The following TBL1X variants were observed in gnomAD, a reference collection of about 807,000 sequenced individuals.
TBL1X encodes the protein transducin beta like 1 X-linked.
Under a neutral mutation model 50.7 loss-of-function variants are expected in TBL1X, and 10 were observed. That is an observed-to-expected ratio of 0.20 (90% CI 0.12 to 0.33). The LOEUF is 0.33. Ranked by LOEUF, TBL1X falls within the 10% of genes least tolerant of loss-of-function variation. The pLI is 1.00. For missense variants in TBL1X, 340 were observed against 504.4 expected, an observed-to-expected ratio of 0.67 and a Z score of 3.12; for synonymous variants, 190 against 214.7, an observed-to-expected ratio of 0.88 and a Z score of 1.01.
chrX:9,669,985 A>C (rs1311858979), intron 5 of TBL1X, among the ~76,000 whole-genome samples: 1 of 111,889 alleles, frequency 8.9e-6, no homozygotes, highest in Non-Finnish European at 1.9e-5. Flanking sequence ...CCTGGGGGAA[A>C]AATTTAGTTT....
intron 2 of TBL1X, among the ~76,000 whole-genome samples, chrX:9,552,659 T>C (rs1355908302): frequency 2.7e-5 from 3 of 112,380 alleles, no homozygotes; most frequent in Admixed American, 1.9e-4. Context: ...TTACAACTCC[T>C]GTTTCTGCTG....
At chrX:9,537,376 C>T in intron 2 of TBL1X, among the ~76,000 whole-genome samples, 1 of 109,526 alleles carries the variant, frequency 9.1e-6, no homozygotes, top group Non-Finnish European at 1.9e-5. Context: ...GTACACTGTT[C>T]AACAGCATTA....
At position 9,466,994 on chromosome X, in the gene TBL1X, C is replaced by T. The variant is rs192446658; in HGVS notation, c.-201+1547C>T. On this transcript the variant is annotated intron_variant, in intron 1 of 17. Transcript: ENST00000645353. ...TGGTGTAGTGCTGCCACCCTCGCTC[C>T]CCAACTCTCAGGCATTTTGCCCCTT... Among the ~76,000 whole-genome samples the T allele has an allele frequency of 4.5e-5, 5 of 111,927 alleles. No homozygotes were observed. The East Asian group carries it at 1.4e-3, about 31-fold the overall frequency.
At chrX:9,536,956 A>C (rs2082191247) in intron 2 of TBL1X, among the ~76,000 whole-genome samples, 1 of 112,301 alleles carries the variant, frequency 8.9e-6, no homozygotes, top group Non-Finnish European at 1.9e-5. Flanking sequence ...TGAATGCGCC[A>C]AGAAAGATTT....
At chrX:9,594,000 G>A (rs942545416) in intron 2 of TBL1X, among the ~76,000 whole-genome samples, 31 of 112,320 alleles carry the variant, frequency 2.8e-4, no homozygotes, top group East Asian at 2.8e-4. Flanking sequence ...GGTGATGCCC[G>A]ATGTAGCTGA....
chrX:9,683,918 A>T (rs962491862), intron 5 of TBL1X, 125 bp from the exon 6 acceptor site: 2 of 1,039,324 alleles, frequency 1.9e-6, no homozygotes, highest in African/African-American at 3.7e-5. Context: ...GGCATTCTGC[A>T]GCCGTGTCTG....
chrX:9,501,423 CAG>C (rs1281191222), intron 1 of TBL1X, among the ~76,000 whole-genome samples: 1 of 111,983 alleles, frequency 8.9e-6, no homozygotes, highest in African/African-American at 3.3e-5. Context: ...GTGAGGGACT[CAG>C]ACAGCTTTAT....
At chrX:9,502,187 G>C (rs1405603839) in intron 2 of TBL1X, among the ~76,000 whole-genome samples, 2 of 112,963 alleles carry the variant, frequency 1.8e-5, no homozygotes, top group Admixed American at 1.9e-4. Context: ...ACTTGGATAC[G>C]TGGAGTAAAA....
At chrX:9,685,717 C>CTTTTTTTTTTTTTTTTTTT (rs752837096) in intron 6 of TBL1X, among the ~76,000 whole-genome samples, 4 of 59,604 alleles carry the variant, frequency 6.7e-5, no homozygotes, top group East Asian at 6.3e-4. Flanking sequence ...CTTTTCTTTT[C>CTTTTTTTTTTTTTTTTTTT]TTTTTTTTTT....
chrX:9,512,536 C>G (rs186246909), intron 2 of TBL1X, among the ~76,000 whole-genome samples: 199 of 108,807 alleles, frequency 1.8e-3, no homozygotes, highest in African/African-American at 6.3e-3. Flanking sequence ...GAGATGGAGT[C>G]TCTGTTGCCC....
rs778227396 is a variant in TBL1X at position 9,575,093 on chromosome X, C to T, written c.-130-65180C>T. On this transcript the variant is annotated intron_variant, in intron 2 of 17. Coordinates refer to ENST00000645353, the MANE Select transcript of TBL1X (RefSeq NM_005647.4). ...GCATGGCTGGGGAGGCCTCAGGAAA[C>T]TTGCAGTCATGGCAGAAGGCGAAGA... Among the ~76,000 whole-genome samples, 3 of 111,686 alleles carry T rather than the reference C, an allele frequency of 2.7e-5. No homozygotes were observed. In the East Asian group the frequency reaches 8.5e-4, roughly 32 times the overall value.
rs1402753351 is a variant in TBL1X, at chrX:9,653,779, T to C, written c.103+90T>C. 8.1e-6 allele frequency: 7 copies of C among 859,160 alleles called. No homozygotes were observed. The South Asian group carries it at 1.2e-4, about 15-fold the overall frequency. The allele number at this position is 859,160 out of a possible 1,213,427, so 70.8% of individuals were successfully genotyped here. The stretch of plus-strand genomic sequence containing the variant: ...GGGTGTACTCGGTCACCTCTCCATG[T>C]GTCCAGAAAAGTGCTCAGTGTTGAA... On this transcript the variant is annotated intron_variant, in intron 4 of 17. Coordinates refer to ENST00000645353, the MANE Select transcript of TBL1X (RefSeq NM_005647.4).
chrX:9,488,729 T>G (rs1383013252), intron 1 of TBL1X, among the ~76,000 whole-genome samples: 3 of 111,879 alleles, frequency 2.7e-5, no homozygotes, highest in African/African-American at 9.8e-5. Context: ...TTTGCTCCTC[T>G]GAAGCCTGCA....
At chrX:9,557,999 A>T (rs1026502444) in intron 2 of TBL1X, among the ~76,000 whole-genome samples, 1 of 111,958 alleles carries the variant, frequency 8.9e-6, no homozygotes, top group Non-Finnish European at 1.9e-5. Flanking sequence ...TTGTCCACAG[A>T]CCCCCAGACA....
chrX:9,574,238 C>G (rs1437946134), intron 2 of TBL1X, among the ~76,000 whole-genome samples: 1 of 109,350 alleles, frequency 9.1e-6, no homozygotes, highest in East Asian at 2.9e-4. Flanking sequence ...AGTCCAAGCT[C>G]AGGAGTCCGA....
intron 2 of TBL1X, among the ~76,000 whole-genome samples, chrX:9,543,548 G>A (rs757035459): frequency 1.8e-4 from 20 of 109,797 alleles, no homozygotes; most frequent in Non-Finnish European, 3.4e-4. Context: ...AGGAGAAAGA[G>A]GAGGCAGAGC....
intron 5 of TBL1X, among the ~76,000 whole-genome samples, chrX:9,679,284 T>TA (rs1295697963): frequency 9.1e-6 from 1 of 110,366 alleles, no homozygotes; most frequent in Non-Finnish European, 1.9e-5. Flanking sequence ...GGGAGTGTGC[T>TA]ACTGGCATCT....
chrX:9,669,241 C>T (rs5979150), intron 5 of TBL1X, among the ~76,000 whole-genome samples: 8,984 of 110,738 alleles, frequency 0.081, 925 homozygotes, highest in African/African-American at 0.28. Flanking sequence ...GTAATATAGG[C>T]GACAAAAACG....
In TBL1X at chrX:9,509,482, CTTTTTTTT is replaced by C. The variant is rs63110360; in HGVS notation, c.-131+7646_-131+7653del. Among the ~76,000 whole-genome samples, 79 of 63,548 alleles carry C rather than the reference CTTTTTTTT, an allele frequency of 1.2e-3. 1 individual carries two copies. In the East Asian group the frequency reaches 0.043, roughly 35 times the overall value. 55.2% of individuals were successfully genotyped at this position (63,548 alleles called of 115,157 possible). A position where few individuals can be genotyped will look rare whatever the true frequency, so the allele number is the denominator to read the frequency against. On this transcript the variant is annotated intron_variant, in intron 2 of 17. Transcript: ENST00000645353. ...GCATCATTTTGTATGTACAGAATCG[CTTTTTTTT>C]TTTTTTTTTTTTGAGTCAGGTTCTC...
Sources: gnomAD v4.1 joint callset for allele counts (sites outside exome capture counted in the v4.1 genomes callset) on GRCh38, gnomAD v4.1.1 for gene constraint, MANE v1.5 for transcripts, NCBI Gene and HGNC (gene_info 2026-07-23, HGNC 2026-07-21) for gene names.